The following SPTBN4 variants were observed in gnomAD, a reference collection of about 807,000 sequenced individuals.
SPTBN4 encodes spectrin beta, non-erythrocytic 4, also known as spectrin beta chain, non-erythrocytic 4.
A neutral mutation model predicts 277.8 loss-of-function variants in SPTBN4; 96 were observed. The ratio of observed to expected loss-of-function variants is 0.35; its 90% CI spans 0.29 to 0.41. SPTBN4 has a LOEUF of 0.41. Among genes scored for constraint, SPTBN4 ranks in the 10% least tolerant of loss-of-function variants. The pLI is 1.00. For synonymous variants in SPTBN4, 1,481 were observed against 1,580.3 expected (o/e 0.94, Z 1.49); for missense variants, 3,006 against 3,595.7 (o/e 0.84, Z 4.19).
chr19:40,560,871 C>A lies in SPTBN4; in HGVS notation c.5915+468C>A. 2.6e-6 allele frequency: 1 copy of A among 391,702 alleles called. No individual in the cohort carries two copies. The highest frequency in any genetic ancestry group is 3.7e-6 in the Non-Finnish European group (1 of 269,504). The allele number at this position is 391,702 out of a possible 1,614,324, so 24.3% of individuals were successfully genotyped here. On this transcript the variant is annotated intron_variant, in intron 27 of 35. Transcript: ENST00000598249. The surrounding 1 kb of genome is among the most constrained non-coding windows in gnomAD (Gnocchi z 5.2). ...GAGCCAGGGTCCTTCCATCATGCCA[C>A]CCTGGGAGTCACATGCTGGACCCTC...
At chr19:40,508,429 G>A (rs2080354023) in intron 13 of SPTBN4, among the ~76,000 whole-genome samples, 1 of 152,200 alleles carries the variant, frequency 6.6e-6, no homozygotes, top group African/African-American at 2.4e-5. Context: ...GCTCACGCCT[G>A]TAATCCCAGC....
In SPTBN4 at chr19:40,504,047, G is replaced by A. The variant is rs772965841; in HGVS notation, c.1580G>A (p.Arg527Gln). The A allele has an allele frequency of 1.3e-5, 21 of 1,612,840 alleles. No homozygotes were observed. The highest frequency in any genetic ancestry group is 2.2e-5 in the South Asian group (2 of 91,072). ...WALLTGLVGA[R>Q]RTRLEQNLAL... Reference sequence around the variant, plus strand: ...CTGCTAACTGGGCTTGTGGGTGCCCGGCGGACACGACTTGAGCAGAACCTT... The same window carrying A: ...CTGCTAACTGGGCTTGTGGGTGCCCAGCGGACACGACTTGAGCAGAACCTT... Residue 527 changes from arginine (R) to glutamine (Q), a missense_variant, in exon 12 of 36, where the codon CGG becomes CAG. Arg to Gln is a conservative substitution (Grantham distance 43, BLOSUM62 1). Coordinates refer to ENST00000598249, the MANE Select transcript of SPTBN4 (RefSeq NM_020971.3).
At chr19:40,477,815 TG>T (rs2079965758) in intron 2 of SPTBN4, among the ~76,000 whole-genome samples, 2 of 151,652 alleles carry the variant, frequency 1.3e-5, no homozygotes, top group Admixed American at 1.3e-4. Context: ...GAGTAAATGA[TG>T]ATGGGAGAGG....
In SPTBN4 at chr19:40,519,594, G is replaced by A; in HGVS notation, c.3097G>A (p.Ala1033Thr). Reference protein sequence around the residue: ...RLSGLEAALQALEPRQAALLE... With the variant: ...RLSGLEAALQTLEPRQAALLE... Reference sequence around the variant, plus strand: ...TAGCGGCCTAGAGGCCGCTCTGCAGGCGCTGGAGCCGCGCCAGGCGGCCCT... The same window carrying A: ...TAGCGGCCTAGAGGCCGCTCTGCAGACGCTGGAGCCGCGCCAGGCGGCCCT... The change falls in exon 16 of 36, where the codon GCG becomes ACG. Residue 1033 changes from alanine to threonine, a missense_variant. Physicochemically the swap from Ala to Thr is moderately conservative, Grantham distance 58. This residue lies in a region of SPTBN4 where 1,759 missense variants were observed against 2,061.5 expected (regional missense o/e 0.85). Transcript: ENST00000598249. The surrounding 1 kb of genome is among the most constrained non-coding windows in gnomAD (Gnocchi z 5.7). The A allele has an allele frequency of 6.8e-7, 1 of 1,468,640 alleles. No individual in the cohort carries two copies. Among genetic ancestry groups the A allele is most frequent in the East Asian group, 2.8e-5 (1 of 35,316 alleles). The allele number at this position is 1,468,640 out of a possible 1,614,324, so 91.0% of individuals were successfully genotyped here. A position where few individuals can be genotyped will look rare whatever the true frequency, so the allele number is the denominator to read the frequency against.
In SPTBN4 at chr19:40,513,480, C is replaced by T. The variant is rs1427333584; in HGVS notation, c.2691C>T (p.Ile897=). 2 of 1,601,562 alleles carry T rather than the reference C, an allele frequency of 1.2e-6. No individual in the cohort carries two copies. Among genetic ancestry groups the T allele is most frequent in the Non-Finnish European group, 1.7e-6 (2 of 1,178,738 alleles). The change falls in exon 14 of 36, where the codon ATC becomes ATT. Residue 897 remains isoleucine (I), a synonymous_variant. Coordinates refer to ENST00000598249, the MANE Select transcript of SPTBN4 (RefSeq NM_020971.3). ...FGEVHACELW[I]GEKEQWLLSM... Reference sequence around the variant, plus strand: ...AGGTGCACGCGTGTGAGCTGTGGATCGGCGAGAAGGAGCAATGGCTGCTCT... The same window carrying T: ...AGGTGCACGCGTGTGAGCTGTGGATTGGCGAGAAGGAGCAATGGCTGCTCT...
At position 40,549,305 on chromosome 19, in the gene SPTBN4, G is replaced by C. The variant is rs930835781; in HGVS notation, c.4476G>C (p.Ala1492=). ...SKELVGERQN[A]VGERLVRLLE... is the part of the protein sequence containing the mutation. ...AGCTGGTGGGTGAGCGGCAGAACGC[G>C]GTGGGCGAGCGCCTGGTGCGCCTGC... The change falls in exon 21 of 36, where the codon GCG becomes GCC. Residue 1492 remains alanine (A), a synonymous_variant. Transcript: ENST00000598249. The C allele has an allele frequency of 1.3e-6, 2 of 1,541,446 alleles. No individual in the cohort carries two copies. Among genetic ancestry groups the C allele is most frequent in the Non-Finnish European group, 1.7e-6 (2 of 1,145,984 alleles).
At chr19:40,472,477 C>T in intron 1 of SPTBN4, 130 bp from the exon 2 acceptor site, 1 of 811,460 alleles carries the variant, frequency 1.2e-6, no homozygotes, top group Non-Finnish European at 1.9e-6. Context: ...GTGCCTAGGC[C>T]TTATCATTGT....
At chr19:40,482,133 C>T (rs549756256) in intron 2 of SPTBN4, among the ~76,000 whole-genome samples, 1 of 151,974 alleles carries the variant, frequency 6.6e-6, no homozygotes, top group South Asian at 2.1e-4. Flanking sequence ...GATGGGGTTT[C>T]ACCATGTTGG....
intron 30 of SPTBN4, among the ~76,000 whole-genome samples, chr19:40,566,657 A>C (rs1354429257): frequency 6.6e-6 from 1 of 152,064 alleles, no homozygotes; most frequent in Non-Finnish European, 1.5e-5. Flanking sequence ...AATTAGGTGA[A>C]GAGAATGTAG....
intron 2 of SPTBN4, among the ~76,000 whole-genome samples, chr19:40,482,258 A>G (rs73048173): frequency 0.064 from 9,597 of 150,502 alleles, 360 homozygotes; most frequent in Middle Eastern, 0.11. Flanking sequence ...TTTTTATACA[A>G]TGGGGTCTGG....
At chr19:40,501,459 A>G (rs916235046) in intron 7 of SPTBN4, among the ~76,000 whole-genome samples, 8 of 152,056 alleles carry the variant, frequency 5.3e-5, no homozygotes, top group Admixed American at 3.3e-4. Flanking sequence ...ACCTGAGGTC[A>G]GCAGTTCGAG....
At chr19:40,518,952 C>CT (rs766297219) in intron 15 of SPTBN4, among the ~76,000 whole-genome samples, 2 of 152,100 alleles carry the variant, frequency 1.3e-5, no homozygotes, top group Admixed American at 6.6e-5. Context: ...GTTAATATAA[C>CT]TTTTTTATTA....
intron 13 of SPTBN4, 41 bp downstream of exon 13, chr19:40,506,427 G>C (rs2080331640): frequency 6.3e-7 from 1 of 1,583,054 alleles, no homozygotes; most frequent in Non-Finnish European, 8.6e-7. Flanking sequence ...GGTGGAGACT[G>C]TCAGGACTGG....
chr19:40,556,995 T>TTGGCCCC, intron 25 of SPTBN4, 28 bp from the exon 26 acceptor site: 1 of 1,484,798 alleles, frequency 6.7e-7, no homozygotes. Context: ...CACTTTGCTG[T>TTGGCCCC]ACCCCCCCCC....
Position 40,484,710 on chromosome 19 carries a change from G to A in SPTBN4, c.170-2987G>A, listed in dbSNP as rs541326329. On this transcript the variant is annotated intron_variant, in intron 2 of 35. Coordinates refer to ENST00000598249, the MANE Select transcript of SPTBN4 (RefSeq NM_020971.3). ...TGGGAGGCCAAGGGGGGTGGATCAC[G>A]AGGTCAGGAGATGGAGACCATCCTG... Among the ~76,000 whole-genome samples the A allele has an allele frequency of 9.6e-4, 146 of 151,952 alleles. 1 individual carries two copies. Among genetic ancestry groups the A allele is most frequent in the Non-Finnish European group, 2.0e-3 (138 of 67,960 alleles).
intron 20 of SPTBN4, 192 bp downstream of exon 20, chr19:40,534,535 A>T: frequency 1.4e-6 from 1 of 699,192 alleles, no homozygotes; most frequent in Non-Finnish European, 2.3e-6. Context: ...ACCACTCCCT[A>T]AGGTATGGAG....
At chr19:40,558,962 CTCTT>C (rs1267601677) in intron 26 of SPTBN4, among the ~76,000 whole-genome samples, 1 of 145,462 alleles carries the variant, frequency 6.9e-6, no homozygotes, top group Non-Finnish European at 1.5e-5. Context: ...GGCAGAGTCT[CTCTT>C]TGTCACCCAG....
At position 40,502,546 on chromosome 19, in the gene SPTBN4, G is replaced by T; in HGVS notation, c.1203+39G>T. ...TGCAGGGGAGAGGCGGGGTTGCACTGTGGAGTTGTATAGGTTGCACACTGC... is the reference window on the plus strand; with the variant it reads ...TGCAGGGGAGAGGCGGGGTTGCACTTTGGAGTTGTATAGGTTGCACACTGC... On this transcript the variant is annotated intron_variant, in intron 10 of 35. Coordinates refer to ENST00000598249, the MANE Select transcript of SPTBN4 (RefSeq NM_020971.3). This position sits in a 1 kb window ranked among gnomAD's most constrained non-coding sequence, Gnocchi z 4.9. The T allele has an allele frequency of 6.4e-7, 1 of 1,570,218 alleles. No individual in the cohort carries two copies. Among genetic ancestry groups the T allele is most frequent in the African/African-American group, 1.3e-5 (1 of 74,360 alleles).
chr19:40,541,241 G>A (rs2080798558), intron 20 of SPTBN4, among the ~76,000 whole-genome samples: 1 of 152,208 alleles, frequency 6.6e-6, no homozygotes, highest in Admixed American at 6.5e-5. Flanking sequence ...ACCAAGCCCA[G>A]CAAACCATGA....
Sources: gnomAD v4.1 joint callset for allele counts (sites outside exome capture counted in the v4.1 genomes callset) on GRCh38, gnomAD v4.1.1 for gene constraint, gnomAD v4.1.1 regional missense constraint, Gnocchi (gnomAD v3.1) non-coding constraint, MANE v1.5 for transcripts, NCBI Gene and HGNC (gene_info 2026-07-23, HGNC 2026-07-21) for gene names.